Variants in ROCK2 observed in about 807,000 individuals in gnomAD.
The protein encoded by ROCK2 is rho-associated protein kinase 2.
In ROCK2, 61 loss-of-function variants were observed where a neutral mutation model predicts 195.1. The observed-to-expected ratio is 0.31, with a 90% CI of 0.25 to 0.39. The LOEUF (loss-of-function observed/expected upper bound fraction) is 0.39, where lower values mean the gene tolerates loss of function less well. ROCK2 is among the 10% of genes least tolerant of loss of function. The probability of loss-of-function intolerance (pLI) is 1.00; values close to 1 mark genes in which losing one functional copy is unlikely to be tolerated. For missense variants in ROCK2, 1,109 were observed against 1,637.4 expected (o/e 0.68, Z 5.57); for synonymous variants, 504 against 545.5 (o/e 0.92, Z 1.06).
chr2:11,338,480 T>C (rs1206588094), intron 1 of ROCK2, among the ~76,000 whole-genome samples: 1 of 152,206 alleles, frequency 6.6e-6, no homozygotes, highest in Non-Finnish European at 1.5e-5. Flanking sequence ...TACAGTATCG[T>C]ATTAGGCATT....
At chr2:11,272,388 A>G (rs1666669629) in intron 3 of ROCK2, among the ~76,000 whole-genome samples, 2 of 152,222 alleles carry the variant, frequency 1.3e-5, no homozygotes, top group South Asian at 2.1e-4. Flanking sequence ...TGCTTTCTAC[A>G]TGATTTAAAA....
In ROCK2 at chr2:11,198,562, C is replaced by T. The variant is rs770703754; in HGVS notation, c.3028G>A (p.Glu1010Lys). Residue 1010 changes from glutamate (E) to lysine (K), a missense_variant, in exon 25 of 33, where the codon GAA becomes AAA. Glu to Lys is a moderately conservative substitution (Grantham distance 56). Transcript: ENST00000315872. Reference sequence around the variant, plus strand: ...GCTTTAATAGCTGCTGCGCTTATTTCTTCATCTTTCAATCTTGACAGTTCT... The same window carrying T: ...GCTTTAATAGCTGCTGCGCTTATTTTTTCATCTTTCAATCTTGACAGTTCT... ...QEQLSRLKDEEISAAAIKAQF... is the reference protein window; with the variant it reads ...QEQLSRLKDEKISAAAIKAQF... 1.9e-6 allele frequency: 3 copies of T among 1,613,174 alleles called. No homozygotes were observed. The highest frequency in any genetic ancestry group is 1.1e-5 in the South Asian group (1 of 91,028).
At chr2:11,264,976 T>C (rs1167171232) in intron 3 of ROCK2, among the ~76,000 whole-genome samples, 1 of 152,190 alleles carries the variant, frequency 6.6e-6, no homozygotes, top group Non-Finnish European at 1.5e-5. Flanking sequence ...ATCCTCTGCC[T>C]AAATTCAAAT....
intron 7 of ROCK2, among the ~76,000 whole-genome samples, chr2:11,222,790 GT>G (rs1664681364): frequency 6.6e-6 from 1 of 152,122 alleles, no homozygotes; most frequent in Non-Finnish European, 1.5e-5. Flanking sequence ...CTGGAGCTAT[GT>G]TTAACATAAA....
chr2:11,255,455 C>T (rs1311478848), intron 3 of ROCK2, among the ~76,000 whole-genome samples: 1 of 150,486 alleles, frequency 6.6e-6, no homozygotes, highest in Non-Finnish European at 1.5e-5. Context: ...GAAAATGCGA[C>T]TCATCATCAA....
upstream of ROCK2, chr2:11,344,649 C>T (rs1572437424): frequency 1.2e-5 from 2 of 163,680 alleles, no homozygotes; most frequent in East Asian, 2.0e-4. The surrounding 1 kb of genome is among the most constrained non-coding windows in gnomAD (Gnocchi z 5.4). Context: ...GGCCGCGCGC[C>T]GCCGCTACCC....
At chr2:11,213,248 T>C (rs7581130) in intron 17 of ROCK2, among the ~76,000 whole-genome samples, 69,628 of 151,956 alleles carry the variant, frequency 0.46, 17,337 homozygotes, top group Admixed American at 0.55. Context: ...CCACACAGTA[T>C]ACAGCGATCT....
chr2:11,237,404 TAG>T (rs1290274581), intron 4 of ROCK2, among the ~76,000 whole-genome samples: 2 of 152,220 alleles, frequency 1.3e-5, no homozygotes, highest in African/African-American at 4.8e-5. Context: ...AAAGTAGTTC[TAG>T]AGAGTATGTA....
At chr2:11,191,950 G>T (rs1036749491) in intron 32 of ROCK2, among the ~76,000 whole-genome samples, 198 bp downstream of exon 32, 1 of 152,122 alleles carries the variant, frequency 6.6e-6, no homozygotes, top group Non-Finnish European at 1.5e-5. Context: ...GTGTGATTTA[G>T]TAAGTAAGTT....
chr2:11,247,547 TCAG>T (rs1425539827), intron 4 of ROCK2, among the ~76,000 whole-genome samples: 1 of 152,202 alleles, frequency 6.6e-6, no homozygotes, highest in Non-Finnish European at 1.5e-5. Context: ...ACTTCAATAA[TCAG>T]CAGATTTTCT....
intron 3 of ROCK2, among the ~76,000 whole-genome samples, chr2:11,268,538 G>C (rs1666507412): frequency 6.6e-6 from 1 of 151,316 alleles, no homozygotes. Context: ...GTGTGTGTGT[G>C]TGTGTGTGTG....
In ROCK2 at chr2:11,180,852, A is replaced by G. The variant is rs1484873584; in HGVS notation, c.*2585T>C. On this transcript the variant is annotated 3_prime_UTR_variant, in exon 33 of 33. Coordinates refer to ENST00000315872, the MANE Select transcript of ROCK2 (RefSeq NM_004850.5). ...CTCATGTATGTACATGAAAGCGGCA[A>G]TGCGGTAAAAAGCGAATTCTTACCC... 2 of 152,252 alleles carry G rather than the reference A, an allele frequency of 1.3e-5. No homozygotes were observed. Among genetic ancestry groups the G allele is most frequent in the Non-Finnish European group, 2.9e-5 (2 of 68,044 alleles). 9.4% of individuals were successfully genotyped at this position (152,252 alleles called of 1,614,324 possible). A position where few individuals can be genotyped will look rare whatever the true frequency, so the allele number is the denominator to read the frequency against.
At chr2:11,207,434 C>G (rs72785489) in intron 20 of ROCK2, among the ~76,000 whole-genome samples, 6,458 of 152,116 alleles carry the variant, frequency 0.042, 273 homozygotes, top group Non-Finnish European at 0.06. Context: ...GAGAAAGAGC[C>G]CTGAGGAGGA....
At chr2:11,294,725 T>C (rs1382326183) in intron 1 of ROCK2, among the ~76,000 whole-genome samples, 4 of 152,340 alleles carry the variant, frequency 2.6e-5, no homozygotes, top group African/African-American at 9.6e-5. Flanking sequence ...ATACATAATG[T>C]AACATATTGT....
Position 11,192,539 on chromosome 2 carries a change from A to C in ROCK2, c.3861T>G (p.Pro1287=). 2 of 1,614,116 alleles carry C rather than the reference A, an allele frequency of 1.2e-6. No individual in the cohort carries two copies. Among genetic ancestry groups the C allele is most frequent in the South Asian group, 1.1e-5 (1 of 91,074 alleles). The change falls in exon 31 of 33, where the codon CCT becomes CCG. Residue 1287 remains proline, a synonymous_variant. Transcript: ENST00000315872. This position sits in a 1 kb window ranked among gnomAD's most constrained non-coding sequence, Gnocchi z 5.0. Reference sequence around the variant, plus strand: ...AACGGCGGCACTCCAAAGCAGGAGGAGGCTTAAACATGTGCCACAGGGGCT... The same window carrying C: ...AACGGCGGCACTCCAAAGCAGGAGGCGGCTTAAACATGTGCCACAGGGGCT... ...CMKPLWHMFK[P]PPALECRRCH... is the part of the protein sequence containing the mutation.
In ROCK2 at chr2:11,208,285, A is replaced by G; in HGVS notation, c.2364+2T>C. ...TTAATCATTAGTACACTTAATACTT[A>G]CATCCTCATTTAGCACATCTTTCTG... On this transcript the variant is annotated splice_donor_variant, in intron 19 of 32. Transcript: ENST00000315872. LOFTEE classifies it high-confidence loss of function. The G allele has an allele frequency of 7.1e-7, 1 of 1,410,364 alleles. No homozygotes were observed. The highest frequency in any genetic ancestry group is 9.4e-7 in the Non-Finnish European group (1 of 1,061,290). 87.4% of individuals were successfully genotyped at this position (1,410,364 alleles called of 1,614,324 possible). A position where few individuals can be genotyped will look rare whatever the true frequency, so the allele number is the denominator to read the frequency against.
intron 3 of ROCK2, among the ~76,000 whole-genome samples, chr2:11,260,448 CAAAAAAAAAA>C (rs35308782): frequency 3.3e-5 from 3 of 91,526 alleles, no homozygotes; most frequent in African/African-American, 1.4e-4. Context: ...ACTCTGTCTC[CAAAAAAAAAA>C]AAAAAAAAAG....
chr2:11,263,053 G>A lies in ROCK2; in HGVS notation c.325-13255C>T, dbSNP rs150712706. Among the ~76,000 whole-genome samples, 601 of 152,238 alleles carry A rather than the reference G, an allele frequency of 3.9e-3. 2 individuals carry two copies. Among genetic ancestry groups the A allele is most frequent in the African/African-American group, 0.013 (541 of 41,540 alleles). On this transcript the variant is annotated intron_variant, in intron 3 of 32. Coordinates refer to ENST00000315872, the MANE Select transcript of ROCK2 (RefSeq NM_004850.5). The stretch of plus-strand genomic sequence containing the variant: ...GATACAGAAATTACAAAAACATGTT[G>A]AGAGATAATTTTTGCAACTTAGAAA...
rs143504023 is a variant in ROCK2, at chr2:11,230,129, C to T, written c.724-2731G>A. On this transcript the variant is annotated intron_variant, in intron 5 of 32. Transcript: ENST00000315872. The stretch of plus-strand genomic sequence containing the variant: ...CCCCTAACTCTGTCAGCTGGCAGGG[C>T]CTAGAAGTAATGACAGTCCAGAAGC... 4.8e-4 allele frequency among the ~76,000 whole-genome samples: 73 copies of T among 152,146 alleles called. 1 individual carries two copies. In the East Asian group the frequency reaches 0.012, roughly 26 times the overall value.
Sources: allele counts gnomAD v4.1 joint callset (sites outside exome capture counted in the v4.1 genomes callset), GRCh38; gene constraint gnomAD v4.1.1; non-coding constraint Gnocchi (gnomAD v3.1); transcripts MANE v1.5; gene names NCBI Gene and HGNC (gene_info 2026-07-23, HGNC 2026-07-21).